The following TENM2 variants were observed in gnomAD, a reference collection of about 807,000 sequenced individuals.
The protein encoded by TENM2 is teneurin transmembrane protein 2.
Under a neutral mutation model 245.2 loss-of-function variants are expected in TENM2, and 52 were observed. That is an observed-to-expected ratio of 0.21 (90% CI 0.17 to 0.27). TENM2 has a LOEUF of 0.27. Among genes scored for constraint, TENM2 ranks in the 10% least tolerant of loss-of-function variants. The probability of loss-of-function intolerance (pLI) is 1.00; values close to 1 mark genes in which losing one functional copy is unlikely to be tolerated. For synonymous variants in TENM2, 1,363 were observed against 1,438.9 expected, an observed-to-expected ratio of 0.95 and a Z score of 1.19; for missense variants, 3,046 against 3,666.8, an observed-to-expected ratio of 0.83 and a Z score of 4.37.
intron 12 of TENM2, 49 bp from the exon 15 acceptor site, chr5:168,162,562 A>G: frequency 1.3e-6 from 2 of 1,595,500 alleles, no homozygotes; most frequent in Non-Finnish European, 1.7e-6. Context: ...CTGCTTCCCC[A>G]GCGCGGCCTC....
chr5:167,436,659 A>G (rs1764571841), intron 2 of TENM2, among the ~76,000 whole-genome samples: 1 of 152,122 alleles, frequency 6.6e-6, no homozygotes, highest in African/African-American at 2.4e-5. Context: ...GACCCAGAGG[A>G]CTAGGAGAAA....
At chr5:168,028,162 A>G (rs751205802) in intron 5 of TENM2, among the ~76,000 whole-genome samples, 1 of 152,220 alleles carries the variant, frequency 6.6e-6, no homozygotes, top group African/African-American at 2.4e-5. Flanking sequence ...GGGTTGGACC[A>G]GCCAGTCAGC....
At chr5:168,055,878 C>T (rs1789497693) in intron 6 of TENM2, among the ~76,000 whole-genome samples, 1 of 152,214 alleles carries the variant, frequency 6.6e-6, no homozygotes, top group African/African-American at 2.4e-5. Flanking sequence ...GGGATTCAAA[C>T]CCAGGCTGAC....
At chr5:167,750,617 G>C (rs1444937894) in intron 2 of TENM2, among the ~76,000 whole-genome samples, 1 of 152,098 alleles carries the variant, frequency 6.6e-6, no homozygotes, top group Non-Finnish European at 1.5e-5. Context: ...CCTACACTTT[G>C]ATCCTCACTC....
At chr5:167,221,259 G>A in the TENM2 span, among the ~76,000 whole-genome samples, 1 of 152,178 alleles carries the variant, frequency 6.6e-6, no homozygotes, top group Middle Eastern at 3.2e-3. Context: ...CTGCCTGTAA[G>A]CCCCAAAGTA....
intron 12 of TENM2, among the ~76,000 whole-genome samples, chr5:168,155,077 C>A (rs1757032991): frequency 6.6e-6 from 1 of 152,154 alleles, no homozygotes; most frequent in Non-Finnish European, 1.5e-5. Context: ...TTCCAGAGAC[C>A]AGAGACCAGG....
intron 2 of TENM2, among the ~76,000 whole-genome samples, chr5:167,585,250 A>T (rs920688620): frequency 2.1e-4 from 32 of 152,324 alleles, no homozygotes; most frequent in African/African-American, 7.2e-4. Context: ...TACACTCTTT[A>T]GATGTTTTCT....
intron 2 of TENM2, among the ~76,000 whole-genome samples, chr5:167,575,025 A>G (rs1371117934): frequency 1.3e-5 from 2 of 150,098 alleles, no homozygotes; most frequent in African/African-American, 2.4e-5. Flanking sequence ...AGTTTTGATT[A>G]TGTGTTTTTA....
chr5:168,037,168 CT>C (rs529505301), intron 5 of TENM2, among the ~76,000 whole-genome samples: 12 of 152,144 alleles, frequency 7.9e-5, no homozygotes, highest in Non-Finnish European at 1.8e-4. Flanking sequence ...TAATACAGGA[CT>C]TTTTTTTATT....
intron 5 of TENM2, among the ~76,000 whole-genome samples, chr5:168,003,309 ACACAC>A (rs1562038554): frequency 4.3e-4 from 13 of 29,992 alleles, no homozygotes; most frequent in Non-Finnish European, 9.3e-4. Context: ...AAGAAAAAAC[ACACAC>A]ACACACACAC....
At chr5:167,231,254 C>A in the TENM2 span, among the ~76,000 whole-genome samples, 8 of 152,254 alleles carry the variant, frequency 5.3e-5, no homozygotes, top group Non-Finnish European at 8.8e-5. Context: ...GACTTTGGAA[C>A]TCAGTAATAG....
In TENM2 at chr5:168,253,253, C is replaced by T. The variant is rs10058240; in HGVS notation, c.7432+4882C>T. Among the ~76,000 whole-genome samples, 1,405 of 151,842 alleles carry T rather than the reference C, an allele frequency of 9.3e-3. 23 individuals are homozygous for T. The highest frequency in any genetic ancestry group is 0.032 in the African/African-American group (1,336 of 41,414). On this transcript the variant is annotated intron_variant, in intron 27 of 28. Coordinates refer to ENST00000518659, the Ensembl canonical transcript of TENM2. Reference sequence around the variant, plus strand: ...AAGTGCTGGGATTACAGGCGTGAGCCACCGCGCCTGGCAGAGCCACAATTT... The same window carrying T: ...AAGTGCTGGGATTACAGGCGTGAGCTACCGCGCCTGGCAGAGCCACAATTT...
intron 12 of TENM2, among the ~76,000 whole-genome samples, chr5:168,139,915 C>T (rs1173915724): frequency 6.6e-6 from 1 of 152,198 alleles, no homozygotes; most frequent in East Asian, 1.9e-4. Flanking sequence ...TCCCAATTTT[C>T]AAATGCTGGC....
intron 7 of TENM2, among the ~76,000 whole-genome samples, chr5:168,078,755 T>C (rs113608579): frequency 0.059 from 8,910 of 152,230 alleles, 855 homozygotes; most frequent in African/African-American, 0.2. Context: ...TGTGGTATTA[T>C]TTCTGAGGGC....
Position 168,262,033 on chromosome 5 carries a change from T to A in TENM2, c.7564-16T>A. The A allele has an allele frequency of 6.2e-7, 1 of 1,604,622 alleles. No individual in the cohort carries two copies. The highest frequency in any genetic ancestry group is 1.1e-5 in the South Asian group (1 of 90,772). On this transcript the variant is annotated splice_polypyrimidine_tract_variant and intron_variant, in intron 28 of 28. Coordinates refer to ENST00000518659, the Ensembl canonical transcript of TENM2. ...AGCTCATCTTCTCAGCTTTCTCTGT[T>A]TTCTTATCCCCACAGCTCATTACAG...
chr5:166,999,992 G>A, the TENM2 span, among the ~76,000 whole-genome samples: 2 of 152,124 alleles, frequency 1.3e-5, no homozygotes, highest in Non-Finnish European at 2.9e-5. Context: ...GGAGACCCCT[G>A]TAAGAGGAAT....
At chr5:168,147,612 A>C (rs2152417323) in intron 12 of TENM2, among the ~76,000 whole-genome samples, 1 of 152,290 alleles carries the variant, frequency 6.6e-6, no homozygotes, top group South Asian at 2.1e-4. Context: ...ATGTCAACTA[A>C]AGCAGGCAAT....
intron 2 of TENM2, among the ~76,000 whole-genome samples, chr5:167,795,266 T>C (rs1227166907): frequency 2.0e-5 from 3 of 152,152 alleles, no homozygotes; most frequent in African/African-American, 7.2e-5. Flanking sequence ...GTGGTCAAAA[T>C]GTGCAGGAAA....
chr5:167,695,844 C>T (rs1363801650), intron 2 of TENM2, among the ~76,000 whole-genome samples: 1 of 151,638 alleles, frequency 6.6e-6, no homozygotes, highest in Non-Finnish European at 1.5e-5. Context: ...ACCATCCTGG[C>T]TAACATGATG....
Sources: allele counts gnomAD v4.1 joint callset (sites outside exome capture counted in the v4.1 genomes callset), GRCh38; gene constraint gnomAD v4.1.1; transcripts MANE v1.5; gene names NCBI Gene and HGNC (gene_info 2026-07-23, HGNC 2026-07-21).